PCCA: variants seen among roughly 807,000 people sequenced by gnomAD.
PCCA encodes propionyl-CoA carboxylase subunit alpha, also known as propionyl-CoA carboxylase alpha chain, mitochondrial.
PCCA carries 74 observed loss-of-function variants against 101.3 expected under a neutral mutation model. The ratio of observed to expected loss-of-function variants is 0.73; its 90% CI spans 0.61 to 0.89. The LOEUF is 0.89. PCCA is among the 40% of genes least tolerant of loss of function. PCCA has a pLI of 0.00. For missense variants in PCCA, 891 were observed against 907.0 expected, an observed-to-expected ratio of 0.98 and a Z score of 0.23; for synonymous variants, 294 against 313.6, an observed-to-expected ratio of 0.94 and a Z score of 0.66.
chr13:100,370,074 C>CTTTTTTTTTTTTTTTTT (rs386380451), intron 19 of PCCA, among the ~76,000 whole-genome samples: 1 of 74,642 alleles, frequency 1.3e-5, no homozygotes, highest in African/African-American at 5.6e-5. Context: ...GCTGTTACTT[C>CTTTTTTTTTTTTTTTTT]TTTTTTTTTT....
intron 7 of PCCA, among the ~76,000 whole-genome samples, chr13:100,232,989 A>C (rs2060581316): frequency 6.6e-6 from 1 of 152,210 alleles, no homozygotes; most frequent in Non-Finnish European, 1.5e-5. Context: ...ATTTCATTTT[A>C]TGGATGTACC....
At chr13:100,338,487 G>C (rs984845288) in intron 17 of PCCA, among the ~76,000 whole-genome samples, 4 of 152,002 alleles carry the variant, frequency 2.6e-5, no homozygotes, top group African/African-American at 9.7e-5. Context: ...GACCTTGCAA[G>C]GACTCCTGGG....
Position 100,097,470 on chromosome 13 carries a change from A to G in PCCA, c.106-5413A>G, listed in dbSNP as rs150794275. Among the ~76,000 whole-genome samples, 232 of 152,330 alleles carry G rather than the reference A, an allele frequency of 1.5e-3. 10 individuals are homozygous for G. The East Asian group carries it at 0.043, about 28-fold the overall frequency. ...TGCAGTGGCTCACACCTGTAATCCC[A>G]GCACTTTGGGAGGCCGAGGCAGGTG... On this transcript the variant is annotated intron_variant, in intron 1 of 23. Transcript: ENST00000376285.
At chr13:100,514,426 C>T (rs752344247) in intron 21 of PCCA, among the ~76,000 whole-genome samples, 1 of 152,196 alleles carries the variant, frequency 6.6e-6, no homozygotes, top group Non-Finnish European at 1.5e-5. Context: ...TGAGTTACAG[C>T]AGGTTTTTTG....
Position 100,356,376 on chromosome 13 carries a change from T to C in PCCA, c.1644-12096T>C, listed in dbSNP as rs189510489. On this transcript the variant is annotated intron_variant, in intron 18 of 23. Transcript: ENST00000376285. ...AAATCATATATATTTAATAGTCTTT[T>C]GTCTAGTATAGGGAATTCTTACAAC... Among the ~76,000 whole-genome samples, 33 of 152,256 alleles carry C rather than the reference T, an allele frequency of 2.2e-4. No homozygotes were observed. In the East Asian group the frequency reaches 6.2e-3, roughly 28 times the overall value.
At chr13:100,269,453 GA>G (rs1452465595) in intron 11 of PCCA, among the ~76,000 whole-genome samples, 1 of 152,130 alleles carries the variant, frequency 6.6e-6, no homozygotes, top group East Asian at 1.9e-4. Context: ...AGTTGGTCCT[GA>G]ATTTATCCTA....
In PCCA at chr13:100,257,611, C is replaced by T. The variant is rs1377110778; in HGVS notation, c.654C>T (p.Ile218=). The part of the protein sequence containing the change: ...IAREIGYPVM[I]KASAGGGGKG... The stretch of plus-strand genomic sequence containing the variant: ...TGCTGTTAGGCTACCCTGTCATGAT[C>T]AAGGCCTCAGCAGGTGGTGGTGGGA... The change falls in exon 9 of 24, where the codon ATC becomes ATT. Residue 218 remains isoleucine (I), a synonymous_variant. Transcript: ENST00000376285. 1.2e-6 allele frequency: 2 copies of T among 1,613,496 alleles called. No individual in the cohort carries two copies. The highest frequency in any genetic ancestry group is 1.1e-5 in the South Asian group (1 of 90,998).
At chr13:100,149,919 T>C (rs1329684843) in intron 4 of PCCA, among the ~76,000 whole-genome samples, 1 of 152,238 alleles carries the variant, frequency 6.6e-6, no homozygotes, top group Non-Finnish European at 1.5e-5. Flanking sequence ...ATGCAATCTA[T>C]TTGATAAGGA....
At chr13:100,318,657 G>T (rs2067657150) in intron 16 of PCCA, among the ~76,000 whole-genome samples, 1 of 152,036 alleles carries the variant, frequency 6.6e-6, no homozygotes. Context: ...CAAAGGACAT[G>T]AACTCATCAT....
At chr13:100,481,708 A>C (rs1455350373) in intron 21 of PCCA, among the ~76,000 whole-genome samples, 1 of 152,074 alleles carries the variant, frequency 6.6e-6, no homozygotes, top group East Asian at 1.9e-4. Flanking sequence ...GGCAGGATGG[A>C]GCAGGACAGC....
At chr13:100,431,686 G>A (rs770319908) in intron 20 of PCCA, among the ~76,000 whole-genome samples, 13 of 151,796 alleles carry the variant, frequency 8.6e-5, no homozygotes, top group Non-Finnish European at 1.6e-4. Flanking sequence ...CTAACACAGT[G>A]AAACCCCATC....
chr13:100,110,899 C>A (rs9557381), intron 2 of PCCA, among the ~76,000 whole-genome samples: 43,997 of 151,964 alleles, frequency 0.29, 7,327 homozygotes, highest in East Asian at 0.69. Context: ...CCTCCGCCTC[C>A]CAGGTTCAAG....
chr13:100,515,392 A>T lies in PCCA; in HGVS notation c.1900-35A>T, dbSNP rs568236048. ...TACTTTTGAGGAAAATTTCATTTAA[A>T]CTCATTTATGGTTTGGTTTTGTTTT... is the stretch of plus-strand genomic sequence containing the variant. On this transcript the variant is annotated intron_variant, in intron 21 of 23. Transcript: ENST00000376285. The T allele has an allele frequency of 9.4e-6, 15 of 1,603,390 alleles. No homozygotes were observed. The South Asian group carries it at 1.7e-4, about 18-fold the overall frequency.
At chr13:100,422,938 C>G (rs923363886) in intron 19 of PCCA, among the ~76,000 whole-genome samples, 1 of 149,024 alleles carries the variant, frequency 6.7e-6, no homozygotes, top group Non-Finnish European at 1.5e-5. Context: ...AACTATTTAT[C>G]TGAACTCTTC....
At chr13:100,132,778 G>A (rs7324843) in intron 4 of PCCA, among the ~76,000 whole-genome samples, 152,163 of 152,170 alleles carry the variant, frequency 1, 76,078 homozygotes, top group Middle Eastern at 1. Context: ...AGTCTTGTCA[G>A]TATTTTTTTT....
chr13:100,292,258 A>C (rs2065184157), intron 12 of PCCA, among the ~76,000 whole-genome samples: 1 of 152,236 alleles, frequency 6.6e-6, no homozygotes, highest in Non-Finnish European at 1.5e-5. Flanking sequence ...TGACTAATGG[A>C]GGACTCATTT....
intron 9 of PCCA, among the ~76,000 whole-genome samples, 197 bp downstream of exon 9, chr13:100,257,870 A>G (rs2062182714): frequency 6.6e-6 from 1 of 152,182 alleles, no homozygotes; most frequent in African/African-American, 2.4e-5. Context: ...TTATCTTATT[A>G]TAGAAAGGGT....
intron 9 of PCCA, 89 bp downstream of exon 9, chr13:100,257,762 A>G: frequency 1.2e-6 from 1 of 856,386 alleles, no homozygotes; most frequent in Non-Finnish European, 2.0e-6. Context: ...CCAAAAGCAT[A>G]ATGGAGTAAT....
chr13:100,132,858 C>T (rs1431278597), intron 4 of PCCA, among the ~76,000 whole-genome samples: 1 of 152,092 alleles, frequency 6.6e-6, no homozygotes, highest in African/African-American at 2.4e-5. Context: ...ACTGCAACCT[C>T]CACCTCCCGG....
Sources: allele counts gnomAD v4.1 joint callset (sites outside exome capture counted in the v4.1 genomes callset), GRCh38; gene constraint gnomAD v4.1.1; transcripts MANE v1.5; gene names NCBI Gene and HGNC (gene_info 2026-07-23, HGNC 2026-07-21).